The following OSBPL10 variants were observed in gnomAD, a reference collection of about 807,000 sequenced individuals.
OSBPL10 encodes oxysterol binding protein like 10.
A neutral mutation model predicts 81.7 loss-of-function variants in OSBPL10; 49 were observed. The ratio of observed to expected loss-of-function variants is 0.60; its 90% CI spans 0.48 to 0.76. The LOEUF is 0.76. OSBPL10 is among the 30% of genes least tolerant of loss of function. OSBPL10 has a pLI of 0.00. For missense variants in OSBPL10, 923 were observed against 987.8 expected, an observed-to-expected ratio of 0.93 and a Z score of 0.88; for synonymous variants, 419 against 383.6, an observed-to-expected ratio of 1.09 and a Z score of -1.08.
At chr3:31,761,892 G>A (rs1698057893) in intron 4 of OSBPL10, among the ~76,000 whole-genome samples, 2 of 151,586 alleles carry the variant, frequency 1.3e-5, no homozygotes, top group South Asian at 4.2e-4. Context: ...GTAAATGTCT[G>A]GCCATGGGCA....
intron 6 of OSBPL10, chr3:31,708,984 G>A: frequency 1.0e-6 from 1 of 985,430 alleles, no homozygotes; most frequent in Non-Finnish European, 1.2e-6. Context: ...TCTACATGGA[G>A]CCACTTCCAA....
At chr3:31,753,588 T>C (rs1475018204) in intron 4 of OSBPL10, among the ~76,000 whole-genome samples, 1 of 152,102 alleles carries the variant, frequency 6.6e-6, no homozygotes, top group Non-Finnish European at 1.5e-5. Flanking sequence ...TCAGGAGCAA[T>C]ACTTTAATTT....
chr3:32,059,298 AC>A (rs1356113285), intron 1 of OSBPL10, among the ~76,000 whole-genome samples: 2 of 150,458 alleles, frequency 1.3e-5, no homozygotes, highest in Non-Finnish European at 2.9e-5. Context: ...CTGTCTCAAA[AC>A]AACAACAGGC....
chr3:31,749,468 T>C lies in OSBPL10; in HGVS notation c.730-1348A>G, dbSNP rs375887667. Among the ~76,000 whole-genome samples, 58 of 152,318 alleles carry C rather than the reference T, an allele frequency of 3.8e-4. No individual in the cohort carries two copies. The South Asian group carries it at 4.6e-3, about 12-fold the overall frequency. On this transcript the variant is annotated intron_variant, in intron 4 of 11. Coordinates refer to ENST00000396556, the MANE Select transcript of OSBPL10 (RefSeq NM_017784.5). The stretch of plus-strand genomic sequence containing the variant: ...CTAGCCATTCTGGCTCCTAAAACAG[T>C]GCCTAGAAATAAGGAGAGCTCAATA...
At chr3:31,716,095 C>T (rs1331185456) in intron 6 of OSBPL10, among the ~76,000 whole-genome samples, 4 of 152,152 alleles carry the variant, frequency 2.6e-5, no homozygotes, top group African/African-American at 9.7e-5. Context: ...GCAGCAGAAT[C>T]ACTGTGAACT....
Position 31,934,561 on chromosome 3 carries a change from C to T in OSBPL10, c.281+46338G>A, listed in dbSNP as rs987201227. On this transcript the variant is annotated intron_variant, in intron 1 of 11. Transcript: ENST00000396556. ...AGCTGGGATTACAGGTGCCTGCCACCACACCCAGCTAATTTTTTGTATTTT... is the reference window on the plus strand; with the variant it reads ...AGCTGGGATTACAGGTGCCTGCCACTACACCCAGCTAATTTTTTGTATTTT... Among the ~76,000 whole-genome samples the T allele has an allele frequency of 3.3e-5, 5 of 152,072 alleles. 1 individual carries two copies. Among genetic ancestry groups the T allele is most frequent in the African/African-American group, 7.2e-5 (3 of 41,406 alleles).
intron 4 of OSBPL10, among the ~76,000 whole-genome samples, chr3:31,819,529 C>A (rs571009776): frequency 6.6e-6 from 1 of 152,286 alleles, no homozygotes; most frequent in East Asian, 1.9e-4. Flanking sequence ...CATTGGGGTA[C>A]TGCACAGGCC....
At chr3:31,824,848 C>T (rs1700064476) in intron 4 of OSBPL10, among the ~76,000 whole-genome samples, 1 of 152,198 alleles carries the variant, frequency 6.6e-6, no homozygotes, top group East Asian at 1.9e-4. Flanking sequence ...AAACCTCCTG[C>T]ATCACCATCA....
At chr3:31,783,162 A>C (rs1698749661) in intron 4 of OSBPL10, among the ~76,000 whole-genome samples, 1 of 132,156 alleles carries the variant, frequency 7.6e-6, no homozygotes, top group African/African-American at 3.3e-5. Context: ...CACACCATAG[A>C]ATACTACTCA....
chr3:31,669,728 G>A (rs775563277), intron 9 of OSBPL10, among the ~76,000 whole-genome samples: 4 of 152,160 alleles, frequency 2.6e-5, no homozygotes, highest in South Asian at 2.1e-4. Flanking sequence ...ACAGTTGAAG[G>A]AACACCACAG....
intron 1 of OSBPL10, among the ~76,000 whole-genome samples, chr3:31,944,019 A>AT (rs571124039): frequency 7.3e-5 from 11 of 150,756 alleles, no homozygotes; most frequent in Middle Eastern, 3.4e-3. Context: ...AACACTTAAT[A>AT]TATGAATAAT....
intron 8 of OSBPL10, among the ~76,000 whole-genome samples, chr3:31,681,205 C>T (rs888949331): frequency 9.9e-5 from 15 of 152,100 alleles, no homozygotes; most frequent in African/African-American, 3.4e-4. Flanking sequence ...GAAGGTGTGA[C>T]GAGTGCAGCA....
intron 10 of OSBPL10, among the ~76,000 whole-genome samples, chr3:31,665,055 G>T (rs1169707277): frequency 6.6e-6 from 1 of 151,948 alleles, no homozygotes; most frequent in Non-Finnish European, 1.5e-5. Context: ...AATCAAGGCT[G>T]ACTACTTGGA....
chr3:31,870,739 G>C (rs1353005408), intron 3 of OSBPL10, among the ~76,000 whole-genome samples: 1 of 151,810 alleles, frequency 6.6e-6, no homozygotes, highest in African/African-American at 2.4e-5. Context: ...CTGTATTCTA[G>C]CTGCTCTGGT....
intron 4 of OSBPL10, among the ~76,000 whole-genome samples, chr3:31,752,320 A>G (rs928846040): frequency 4.6e-5 from 7 of 152,238 alleles, no homozygotes; most frequent in African/African-American, 1.7e-4. Flanking sequence ...CAAAAAGCAC[A>G]AATTTCATTT....
At chr3:31,930,210 A>G (rs1019155752) in intron 1 of OSBPL10, among the ~76,000 whole-genome samples, 1 of 152,090 alleles carries the variant, frequency 6.6e-6, no homozygotes, top group Non-Finnish European at 1.5e-5. Flanking sequence ...GGATATATAT[A>G]CATATACATA....
At chr3:31,902,765 C>A (rs112639232) in intron 1 of OSBPL10, among the ~76,000 whole-genome samples, 2 of 152,102 alleles carry the variant, frequency 1.3e-5, no homozygotes, top group Non-Finnish European at 2.9e-5. Flanking sequence ...CAAGTTTCAC[C>A]GTGTTAGTCA....
At chr3:31,980,309 G>C (rs1304938779) in intron 1 of OSBPL10, among the ~76,000 whole-genome samples, 4 of 152,132 alleles carry the variant, frequency 2.6e-5, no homozygotes, top group Non-Finnish European at 5.9e-5. Context: ...GCCTCTTTCT[G>C]TTTTTAAACA....
chr3:32,028,176 C>T (rs1699434242), intron 2 of OSBPL10, among the ~76,000 whole-genome samples: 1 of 152,168 alleles, frequency 6.6e-6, no homozygotes, highest in African/African-American at 2.4e-5. Flanking sequence ...TGTGCATACT[C>T]ATAGATATAA....
Sources: gnomAD v4.1 joint callset for allele counts (sites outside exome capture counted in the v4.1 genomes callset) on GRCh38, gnomAD v4.1.1 for gene constraint, MANE v1.5 for transcripts, NCBI Gene and HGNC (gene_info 2026-07-23, HGNC 2026-07-21) for gene names.